KHDRBS2: variants seen among roughly 807,000 people sequenced by gnomAD.
KHDRBS2 encodes the protein KH RNA binding domain containing, signal transduction associated 2.
A neutral mutation model predicts 44.3 loss-of-function variants in KHDRBS2; 26 were observed. That is an observed-to-expected ratio of 0.59 (90% CI 0.43 to 0.81). The LOEUF (loss-of-function observed/expected upper bound fraction) is 0.81, where lower values mean the gene tolerates loss of function less well. Ranked by LOEUF, KHDRBS2 falls within the 40% of genes least tolerant of loss-of-function variation. KHDRBS2 has a pLI of 0.00. For missense variants in KHDRBS2, 476 were observed against 433.1 expected (o/e 1.10, Z -0.88); for synonymous variants, 194 against 151.1 (o/e 1.28, Z -2.08).
At chr6:62,203,777 T>C (rs1052233438) in intron 1 of KHDRBS2, among the ~76,000 whole-genome samples, 10 of 152,184 alleles carry the variant, frequency 6.6e-5, no homozygotes, top group African/African-American at 2.4e-4. Context: ...CTAGCATTTA[T>C]TTGGCACTTC....
Position 61,994,312 on chromosome 6 carries a change from AAAGAATGTCTTTC to A in KHDRBS2, c.337-16113_337-16101del, listed in dbSNP as rs1474279116. Among the ~76,000 whole-genome samples, 14 of 152,250 alleles carry A rather than the reference AAAGAATGTCTTTC, an allele frequency of 9.2e-5. No homozygotes were observed. The South Asian group carries it at 2.5e-3, about 27-fold the overall frequency. On this transcript the variant is annotated intron_variant, in intron 3 of 8. Transcript: ENST00000281156. ...GGCATTGGGATAGAACTCACCTCTA[AAAGAATGTCTTTC>A]AAGACCAGCATGAATTGACAGCAGA...
chr6:61,629,349 C>T, the KHDRBS2 span, among the ~76,000 whole-genome samples: 1 of 152,162 alleles, frequency 6.6e-6, no homozygotes, highest in Non-Finnish European at 1.5e-5. Flanking sequence ...ATAACATTTT[C>T]AGGCAGCTTT....
At chr6:62,109,178 C>T (rs1320440993) in intron 2 of KHDRBS2, among the ~76,000 whole-genome samples, 2 of 151,140 alleles carry the variant, frequency 1.3e-5, no homozygotes, top group Non-Finnish European at 2.9e-5. Context: ...AAGTTGTTTA[C>T]AATTTGAAAA....
chr6:61,863,538 C>T (rs1335604199), intron 6 of KHDRBS2, among the ~76,000 whole-genome samples: 1 of 152,092 alleles, frequency 6.6e-6, no homozygotes, highest in African/African-American at 2.4e-5. Context: ...GCCTTAATTT[C>T]ATTATTTACC....
At chr6:61,839,063 T>G (rs1163534083) in intron 6 of KHDRBS2, among the ~76,000 whole-genome samples, 2 of 152,068 alleles carry the variant, frequency 1.3e-5, no homozygotes, top group African/African-American at 2.4e-5. Context: ...TGGAATGCAC[T>G]TCCCTCTGCT....
At chr6:61,565,525 A>G in the KHDRBS2 span, among the ~76,000 whole-genome samples, 1 of 152,198 alleles carries the variant, frequency 6.6e-6, no homozygotes, top group African/African-American at 2.4e-5. Flanking sequence ...GATGCTTTTC[A>G]AAAGAAGACA....
chr6:61,711,865 T>C (rs1404739798), intron 7 of KHDRBS2, among the ~76,000 whole-genome samples: 1 of 151,890 alleles, frequency 6.6e-6, no homozygotes, highest in Non-Finnish European at 1.5e-5. Context: ...TTGTTACTGG[T>C]ATAGTAATGC....
chr6:62,207,742 C>T (rs1283461500), intron 1 of KHDRBS2, among the ~76,000 whole-genome samples: 4 of 151,982 alleles, frequency 2.6e-5, no homozygotes, highest in African/African-American at 9.7e-5. Flanking sequence ...GAGAAGCATT[C>T]CATACAAAGA....
At chr6:61,855,830 T>A (rs139008747) in intron 6 of KHDRBS2, among the ~76,000 whole-genome samples, 1 of 152,024 alleles carries the variant, frequency 6.6e-6, no homozygotes, top group Non-Finnish European at 1.5e-5. Context: ...GGAGTGAGAA[T>A]GAGCTCCTCT....
At chr6:61,795,049 G>T (rs1785116038) in intron 6 of KHDRBS2, among the ~76,000 whole-genome samples, 1 of 137,664 alleles carries the variant, frequency 7.3e-6, no homozygotes, top group South Asian at 2.3e-4. Context: ...TGAGGCAAGA[G>T]AATCACTTGA....
chr6:61,738,263 T>C (rs761147656), intron 6 of KHDRBS2, among the ~76,000 whole-genome samples: 14 of 152,140 alleles, frequency 9.2e-5, no homozygotes, highest in Admixed American at 2.0e-4. Flanking sequence ...AAATTAACAA[T>C]TTTAACTTTA....
intron 2 of KHDRBS2, among the ~76,000 whole-genome samples, chr6:62,084,377 A>C (rs1249945063): frequency 6.6e-6 from 1 of 152,226 alleles, no homozygotes; most frequent in Non-Finnish European, 1.5e-5. Context: ...ATAAAACTCC[A>C]CCAAAGTTGA....
intron 4 of KHDRBS2, among the ~76,000 whole-genome samples, chr6:61,977,737 A>G (rs1772980569): frequency 6.6e-6 from 1 of 152,126 alleles, no homozygotes; most frequent in African/African-American, 2.4e-5. Flanking sequence ...ATAAACTTTC[A>G]AGTGATGGAG....
the KHDRBS2 span, among the ~76,000 whole-genome samples, chr6:61,559,811 C>A: frequency 1.3e-5 from 2 of 152,130 alleles, no homozygotes; most frequent in Non-Finnish European, 2.9e-5. Context: ...ATTGGTTCAT[C>A]TTTTAGTCTT....
chr6:61,720,288 T>A (rs1371281723), intron 7 of KHDRBS2, among the ~76,000 whole-genome samples: 1 of 152,188 alleles, frequency 6.6e-6, no homozygotes, highest in African/African-American at 2.4e-5. Context: ...TTTGGGTATA[T>A]AACCAGTAAT....
chr6:62,231,739 T>C (rs1158786470), intron 1 of KHDRBS2, among the ~76,000 whole-genome samples: 1 of 152,208 alleles, frequency 6.6e-6, no homozygotes, highest in African/African-American at 2.4e-5. Context: ...AGAAGATCTT[T>C]AATACCTTTC....
At chr6:61,785,419 C>A (rs1783650523) in intron 6 of KHDRBS2, among the ~76,000 whole-genome samples, 1 of 151,982 alleles carries the variant, frequency 6.6e-6, no homozygotes. Context: ...CAACAGTTAT[C>A]AAAATTTAGT....
chr6:61,600,692 C>T, the KHDRBS2 span, among the ~76,000 whole-genome samples: 9 of 152,138 alleles, frequency 5.9e-5, no homozygotes, highest in African/African-American at 2.2e-4. Context: ...GCCCCCTGCC[C>T]TCACCCTCAC....
chr6:61,858,742 A>T (rs1373955689), intron 6 of KHDRBS2, among the ~76,000 whole-genome samples: 1 of 151,944 alleles, frequency 6.6e-6, no homozygotes, highest in Non-Finnish European at 1.5e-5. Context: ...AGGTTTAAAA[A>T]ATTGAATTAA....
Sources: allele counts gnomAD v4.1 joint callset (sites outside exome capture counted in the v4.1 genomes callset), GRCh38; gene constraint gnomAD v4.1.1; transcripts MANE v1.5; gene names NCBI Gene and HGNC (gene_info 2026-07-23, HGNC 2026-07-21).